AGBL4: variants seen among roughly 807,000 people sequenced by gnomAD.
AGBL4 encodes cytosolic carboxypeptidase 6.
AGBL4 carries 58 observed loss-of-function variants against 66.4 expected under a neutral mutation model. The ratio of observed to expected loss-of-function variants is 0.87; its 90% CI spans 0.71 to 1.09. The LOEUF is 1.09. Ranked by LOEUF, AGBL4 falls within the 50% of genes least tolerant of loss-of-function variation. The probability of loss-of-function intolerance (pLI) is 0.00; values close to 1 mark genes in which losing one functional copy is unlikely to be tolerated. For missense variants in AGBL4, 579 were observed against 631.0 expected (o/e 0.92, Z 0.88); for synonymous variants, 234 against 222.9 (o/e 1.05, Z -0.44).
chr1:49,903,919 T>C (rs1246780354), intron 1 of AGBL4, among the ~76,000 whole-genome samples: 1 of 152,108 alleles, frequency 6.6e-6, no homozygotes, highest in Non-Finnish European at 1.5e-5. Context: ...ATGTGTGCAA[T>C]ATACTTCTAG....
chr1:49,171,242 G>A (rs1217083911), intron 4 of AGBL4, among the ~76,000 whole-genome samples: 1 of 152,196 alleles, frequency 6.6e-6, no homozygotes. Context: ...CCCTTCAAGT[G>A]TTATTTGGGG....
intron 3 of AGBL4, among the ~76,000 whole-genome samples, chr1:49,328,561 T>A (rs1645269941): frequency 6.6e-6 from 1 of 152,256 alleles, no homozygotes; most frequent in South Asian, 2.1e-4. Context: ...TCTATATTAA[T>A]AACTCCCAAA....
At chr1:49,828,585 T>C (rs972445610) in intron 2 of AGBL4, among the ~76,000 whole-genome samples, 3 of 152,122 alleles carry the variant, frequency 2.0e-5, no homozygotes, top group Admixed American at 6.5e-5. Context: ...GTCAGAAAAG[T>C]AGTCAAGGGC....
chr1:48,891,575 G>C (rs1470471446), intron 5 of AGBL4, among the ~76,000 whole-genome samples: 13 of 152,192 alleles, frequency 8.5e-5, no homozygotes. Context: ...CCAAAGGCCG[G>C]CTTCCTGTTT....
chr1:48,550,122 T>C (rs945809255), intron 11 of AGBL4, among the ~76,000 whole-genome samples: 30 of 152,150 alleles, frequency 2.0e-4, no homozygotes, highest in African/African-American at 5.6e-4. Flanking sequence ...GAGTGTCCAA[T>C]CCATCACAGA....
chr1:48,990,765 G>T (rs1557534342), intron 5 of AGBL4, among the ~76,000 whole-genome samples: 1 of 151,990 alleles, frequency 6.6e-6, no homozygotes, highest in Non-Finnish European at 1.5e-5. Flanking sequence ...TTACCATGAG[G>T]TTTGTAAATA....
intron 4 of AGBL4, among the ~76,000 whole-genome samples, chr1:49,199,768 G>A (rs1647540535): frequency 6.6e-6 from 1 of 152,088 alleles, no homozygotes; most frequent in Non-Finnish European, 1.5e-5. Flanking sequence ...TAACCATGAT[G>A]TTCAACTCTC....
At chr1:49,062,668 A>G (rs1343377687) in intron 4 of AGBL4, among the ~76,000 whole-genome samples, 1 of 152,162 alleles carries the variant, frequency 6.6e-6, no homozygotes, top group Non-Finnish European at 1.5e-5. Context: ...GAGGATTTTA[A>G]TCATGTTCTC....
intron 2 of AGBL4, among the ~76,000 whole-genome samples, chr1:49,834,584 C>T (rs557122909): frequency 3.9e-5 from 6 of 152,146 alleles, no homozygotes; most frequent in Admixed American, 3.3e-4. Context: ...TTCAGTTCTG[C>T]TCTGATCTTA....
chr1:48,909,922 C>T (rs954824102), intron 5 of AGBL4, among the ~76,000 whole-genome samples: 1 of 152,166 alleles, frequency 6.6e-6, no homozygotes, highest in African/African-American at 2.4e-5. Flanking sequence ...GTGGTGCATT[C>T]CTTCTCACTA....
chr1:48,785,018 G>T (rs944763858), intron 6 of AGBL4, among the ~76,000 whole-genome samples: 2 of 152,208 alleles, frequency 1.3e-5, no homozygotes, highest in African/African-American at 2.4e-5. Flanking sequence ...ACTAGTTTGA[G>T]AAGTTGCCTC....
intron 5 of AGBL4, among the ~76,000 whole-genome samples, chr1:48,969,735 T>A (rs1658754516): frequency 6.6e-6 from 1 of 152,096 alleles, no homozygotes; most frequent in African/African-American, 2.4e-5. Context: ...GCCAGAATGA[T>A]AACTAGACAA....
chr1:49,913,617 G>A (rs1463300851), intron 1 of AGBL4, among the ~76,000 whole-genome samples: 1 of 152,242 alleles, frequency 6.6e-6, no homozygotes, highest in African/African-American at 2.4e-5. Flanking sequence ...CCATACCATG[G>A]TTTCACTAGG....
chr1:49,914,416 C>A (rs12407318), intron 1 of AGBL4, among the ~76,000 whole-genome samples: 11 of 152,194 alleles, frequency 7.2e-5, no homozygotes, highest in African/African-American at 2.6e-4. Context: ...GTTTCCAATA[C>A]CTTTTCCTTA....
intron 5 of AGBL4, among the ~76,000 whole-genome samples, chr1:48,921,832 T>C (rs537803046): frequency 2.6e-5 from 4 of 152,336 alleles, no homozygotes; most frequent in South Asian, 2.1e-4. Context: ...TTCAACATTA[T>C]GAAAATCAGC....
chr1:49,200,275 T>TA (rs1229276418), intron 4 of AGBL4, among the ~76,000 whole-genome samples: 36 of 152,288 alleles, frequency 2.4e-4, no homozygotes, highest in African/African-American at 8.4e-4. Flanking sequence ...AGATACTTTG[T>TA]AAAAAAACCA....
chr1:49,611,507 C>G (rs1253534088), intron 3 of AGBL4, among the ~76,000 whole-genome samples: 2 of 151,612 alleles, frequency 1.3e-5, no homozygotes, highest in Non-Finnish European at 2.9e-5. Flanking sequence ...TCCCAAGTAG[C>G]TGGGACTACA....
intron 4 of AGBL4, among the ~76,000 whole-genome samples, chr1:49,213,525 T>C (rs1433406450): frequency 6.6e-6 from 1 of 151,984 alleles, no homozygotes; most frequent in South Asian, 2.1e-4. Context: ...ATTTCCGCCA[T>C]GTGAGACGCT....
chr1:48,759,022 C>A, intron 6 of AGBL4: 1 of 1,613,982 alleles, frequency 6.2e-7, no homozygotes, highest in East Asian at 2.2e-5. Context: ...CAGCTGCCTC[C>A]GAGTCCGCTC....
Sources: gnomAD v4.1 joint callset for allele counts (sites outside exome capture counted in the v4.1 genomes callset) on GRCh38, gnomAD v4.1.1 for gene constraint, MANE v1.5 for transcripts, NCBI Gene and HGNC (gene_info 2026-07-23, HGNC 2026-07-21) for gene names.